The following KCNH5 variants were observed in gnomAD, a reference collection of about 807,000 sequenced individuals.
KCNH5 encodes voltage-gated delayed rectifier potassium channel KCNH5.
Under a neutral mutation model 96.1 loss-of-function variants are expected in KCNH5, and 46 were observed. The ratio of observed to expected loss-of-function variants is 0.48; its 90% CI spans 0.38 to 0.61. KCNH5 has a LOEUF of 0.61. Ranked by LOEUF, KCNH5 falls within the 20% of genes least tolerant of loss-of-function variation. The pLI is 0.00. For synonymous variants in KCNH5, 439 were observed against 449.8 expected (o/e 0.98, Z 0.30); for missense variants, 907 against 1,225.8 (o/e 0.74, Z 3.88).
At position 62,818,107 on chromosome 14, in the gene KCNH5, GGC is replaced by G. The variant is rs869060647; in HGVS notation, c.1570-15528_1570-15527del. 5.6e-3 allele frequency among the ~76,000 whole-genome samples: 638 copies of G among 112,948 alleles called. 13 individuals carry two copies. Among genetic ancestry groups the G allele is most frequent in the East Asian group, 0.015 (51 of 3,444 alleles). 74.1% of individuals were successfully genotyped at this position (112,948 alleles called of 152,430 possible). On this transcript the variant is annotated intron_variant, in intron 8 of 10. Transcript: ENST00000322893. ...TAAAGGGTGGCTACCAGGAGCTGGG[GGC>G]GGGGGGGGGGTGGAAGAAATGGGGA...
At chr14:62,815,412 G>A in intron 8 of KCNH5, among the ~76,000 whole-genome samples, 1 of 152,040 alleles carries the variant, frequency 6.6e-6, no homozygotes, top group South Asian at 2.1e-4. Flanking sequence ...AATATAATTT[G>A]TTCACTTATC....
intron 7 of KCNH5, among the ~76,000 whole-genome samples, chr14:62,901,304 T>C (rs923490325): frequency 1.3e-5 from 2 of 152,016 alleles, no homozygotes; most frequent in Non-Finnish European, 2.9e-5. Flanking sequence ...GATACTGAGG[T>C]GTAGGGTGTG....
At chr14:62,924,363 T>C (rs1367573254) in intron 7 of KCNH5, among the ~76,000 whole-genome samples, 1 of 151,952 alleles carries the variant, frequency 6.6e-6, no homozygotes, top group East Asian at 1.9e-4. Context: ...ACTTATACAC[T>C]GTTGGTGGGA....
At chr14:62,879,463 G>A (rs1411609928) in intron 7 of KCNH5, among the ~76,000 whole-genome samples, 1 of 152,032 alleles carries the variant, frequency 6.6e-6, no homozygotes, top group Non-Finnish European at 1.5e-5. Flanking sequence ...AATATTTATC[G>A]AATGAATGAA....
intron 10 of KCNH5, among the ~76,000 whole-genome samples, chr14:62,716,150 T>G (rs1369784045): frequency 6.6e-6 from 1 of 152,192 alleles, no homozygotes; most frequent in Admixed American, 6.5e-5. Flanking sequence ...AATACCTATG[T>G]TTTTATTTGT....
rs61444088 is a variant in KCNH5 at position 62,853,456 on chromosome 14, C to CATATATATATATATATATAT, written c.1370-3624_1370-3605dup. 6.6e-4 allele frequency among the ~76,000 whole-genome samples: 62 copies of CATATATATATATATATATAT among 93,272 alleles called. 1 individual carries two copies. The highest frequency in any genetic ancestry group is 1.1e-3 in the Non-Finnish European group (54 of 51,110). 61.2% of individuals were successfully genotyped at this position (93,272 alleles called of 152,430 possible). ...TCATTTCCCAAACAAAAAGAATAAT[C>CATATATATATATATATATAT]ATATATATATATATATATATATATC... On this transcript the variant is annotated intron_variant, in intron 7 of 10. Transcript: ENST00000322893.
chr14:62,772,118 A>C (rs1040256822), intron 10 of KCNH5, among the ~76,000 whole-genome samples: 3 of 152,172 alleles, frequency 2.0e-5, no homozygotes, highest in Admixed American at 6.5e-5. Context: ...AACAAAAAAA[A>C]CACATTCTCT....
chr14:62,982,323 G>A lies in KCNH5; in HGVS notation c.550-1059C>T, dbSNP rs560128174. Among the ~76,000 whole-genome samples, 108 of 151,182 alleles carry A rather than the reference G, an allele frequency of 7.1e-4. 1 individual carries two copies. Among genetic ancestry groups the A allele is most frequent in the African/African-American group, 2.4e-3 (100 of 41,236 alleles). ...CAGCCTGGCGACAGAGCGAGACTCC[G>A]TCTCAAAAAAAAAAAGACAGTTGAA... On this transcript the variant is annotated intron_variant, in intron 5 of 10. Transcript: ENST00000322893.
intron 9 of KCNH5, 51 bp downstream of exon 9, chr14:62,802,278 T>C (rs1388148589): frequency 1.3e-6 from 2 of 1,575,488 alleles, no homozygotes; most frequent in African/African-American, 2.7e-5. Context: ...AAGCAAAATA[T>C]CTAAAACTGT....
intron 7 of KCNH5, among the ~76,000 whole-genome samples, chr14:62,912,037 C>CAAA (rs1163755853): frequency 2.6e-4 from 21 of 79,654 alleles, no homozygotes; most frequent in African/African-American, 4.4e-4. Flanking sequence ...GACTCCTAAT[C>CAAA]AAAAAAAAAA....
At chr14:62,745,409 T>G (rs916667200) in intron 10 of KCNH5, among the ~76,000 whole-genome samples, 1 of 152,200 alleles carries the variant, frequency 6.6e-6, no homozygotes, top group Non-Finnish European at 1.5e-5. Flanking sequence ...GAGTCTAACT[T>G]TCAACAAAAA....
chr14:62,834,671 T>C (rs150055863), intron 8 of KCNH5, among the ~76,000 whole-genome samples: 1 of 152,120 alleles, frequency 6.6e-6, no homozygotes, highest in East Asian at 1.9e-4. Flanking sequence ...GAAGGCCAAA[T>C]TGGACTCATC....
chr14:62,985,087 A>C (rs1239287619), intron 5 of KCNH5, among the ~76,000 whole-genome samples: 1 of 152,212 alleles, frequency 6.6e-6, no homozygotes, highest in African/African-American at 2.4e-5. Flanking sequence ...TAGGCAGAAG[A>C]GGAACTAGCT....
chr14:62,801,279 A>G (rs538748142), intron 9 of KCNH5, among the ~76,000 whole-genome samples: 8 of 152,080 alleles, frequency 5.3e-5, no homozygotes, highest in Admixed American at 2.0e-4. Context: ...AAAATCCAAT[A>G]GTTTAAAAAT....
Position 62,707,499 on chromosome 14 carries a change from G to T in KCNH5, c.*9C>A. The T allele has an allele frequency of 8.1e-7, 1 of 1,230,350 alleles. No homozygotes were observed. Among genetic ancestry groups the T allele is most frequent in the Non-Finnish European group, 1.1e-6 (1 of 905,296 alleles). 76.2% of individuals were successfully genotyped at this position (1,230,350 alleles called of 1,614,324 possible). On this transcript the variant is annotated 3_prime_UTR_variant, in exon 11 of 11. Coordinates refer to ENST00000322893, the MANE Select transcript of KCNH5 (RefSeq NM_139318.5). ...TTTTAATATATTAACAAATATATAT[G>T]TATATATATTAAAAGTGGATTTCAT...
chr14:62,734,086 C>T (rs1308077216), intron 10 of KCNH5, among the ~76,000 whole-genome samples: 1 of 152,160 alleles, frequency 6.6e-6, no homozygotes, highest in Non-Finnish European at 1.5e-5. Flanking sequence ...ACTGTGTGCT[C>T]TGACTTCCAT....
rs150039147 is a variant in KCNH5 at position 62,765,329 on chromosome 14, A to G, written c.2019+14399T>C. The stretch of plus-strand genomic sequence containing the variant: ...ATAACTCGCTAGCCATATGCAGAAG[A>G]CTAAAACTTGACCCTCGCCTTTTAT... On this transcript the variant is annotated intron_variant, in intron 10 of 10. Transcript: ENST00000322893. 2.0e-4 allele frequency among the ~76,000 whole-genome samples: 31 copies of G among 152,300 alleles called. No individual in the cohort carries two copies. In the East Asian group the frequency reaches 6.0e-3, roughly 29 times the overall value.
chr14:62,841,556 T>C (rs981701331), intron 8 of KCNH5, among the ~76,000 whole-genome samples: 3 of 152,224 alleles, frequency 2.0e-5, no homozygotes, highest in African/African-American at 7.2e-5. Flanking sequence ...TTCATCCAAA[T>C]TACTCCACAA....
chr14:62,996,007 G>A (rs1890900034), intron 4 of KCNH5, among the ~76,000 whole-genome samples: 1 of 138,758 alleles, frequency 7.2e-6, no homozygotes, highest in Non-Finnish European at 1.6e-5. Context: ...TGAATCAACA[G>A]CAAGTCTACT....
Sources: gnomAD v4.1 joint callset for allele counts (sites outside exome capture counted in the v4.1 genomes callset) on GRCh38, gnomAD v4.1.1 for gene constraint, MANE v1.5 for transcripts, NCBI Gene and HGNC (gene_info 2026-07-23, HGNC 2026-07-21) for gene names.